Variants in EDIL3 observed in about 807,000 individuals in gnomAD.
EDIL3 encodes the protein EGF like and discoidin domains 3, also known as EGF-like repeat and discoidin I-like domain-containing protein 3.
Under a neutral mutation model 67.4 loss-of-function variants are expected in EDIL3, and 37 were observed. The observed-to-expected ratio is 0.55, with a 90% CI of 0.42 to 0.72. EDIL3 has a LOEUF of 0.72. EDIL3 is among the 30% of genes least tolerant of loss of function. The pLI is 0.00. For synonymous variants in EDIL3, 195 were observed against 196.3 expected (o/e 0.99, Z 0.05); for missense variants, 527 against 586.3 (o/e 0.90, Z 1.04).
At chr5:84,144,250 C>G (rs1380788949) in intron 4 of EDIL3, among the ~76,000 whole-genome samples, 3 of 149,462 alleles carry the variant, frequency 2.0e-5, no homozygotes, top group Non-Finnish European at 4.4e-5. Flanking sequence ...GCCTCCCTTC[C>G]TCCCTCCCAC....
intron 1 of EDIL3, among the ~76,000 whole-genome samples, chr5:84,256,924 A>C (rs2112079602): frequency 6.6e-6 from 1 of 152,340 alleles, no homozygotes; most frequent in South Asian, 2.1e-4. Context: ...AATACTAGGT[A>C]ATGAAACCAG....
At chr5:83,973,472 A>G (rs963483067) in intron 9 of EDIL3, among the ~76,000 whole-genome samples, 2 of 152,038 alleles carry the variant, frequency 1.3e-5, no homozygotes, top group Non-Finnish European at 1.5e-5. Flanking sequence ...GTTATTTAGT[A>G]TTTTTTGATA....
At chr5:84,111,683 T>C (rs1217643415) in intron 5 of EDIL3, among the ~76,000 whole-genome samples, 2 of 151,208 alleles carry the variant, frequency 1.3e-5, no homozygotes, top group African/African-American at 4.9e-5. Context: ...AAAAGAAGGG[T>C]GAATCAAGTG....
chr5:83,944,430 C>T (rs1744277892), intron 10 of EDIL3, among the ~76,000 whole-genome samples: 1 of 122,650 alleles, frequency 8.2e-6, no homozygotes, highest in Non-Finnish European at 1.6e-5. Flanking sequence ...TTTACTATTA[C>T]TATGGCCACT....
intron 5 of EDIL3, 47 bp downstream of exon 5, chr5:84,137,184 TACACACACAC>T (rs70975542): frequency 5.3e-4 from 475 of 901,810 alleles, no homozygotes; most frequent in African/African-American, 3.6e-3. Flanking sequence ...TGTGTATACA[TACACACACAC>T]ACACACACAC....
chr5:84,141,926 C>CACATATATAT (rs766580484), intron 4 of EDIL3, among the ~76,000 whole-genome samples: 1 of 124,928 alleles, frequency 8.0e-6, no homozygotes, highest in African/African-American at 3.4e-5. Flanking sequence ...TATATATACA[C>CACATATATAT]ATATATATAT....
intron 1 of EDIL3, among the ~76,000 whole-genome samples, chr5:84,286,918 G>A (rs189659922): frequency 2.0e-5 from 3 of 152,236 alleles, no homozygotes; most frequent in Non-Finnish European, 4.4e-5. Flanking sequence ...CAGTCTTTGG[G>A]CCAGACACAG....
intron 1 of EDIL3, among the ~76,000 whole-genome samples, chr5:84,270,690 A>G (rs16901024): frequency 0.093 from 14,230 of 152,240 alleles, 736 homozygotes; most frequent in Middle Eastern, 0.16. Flanking sequence ...ATTATCTCTC[A>G]TGAACTTCAC....
chr5:84,358,889 C>T (rs531116309), intron 1 of EDIL3, among the ~76,000 whole-genome samples: 3 of 152,230 alleles, frequency 2.0e-5, no homozygotes, highest in East Asian at 3.9e-4. Context: ...GGATTACAGG[C>T]GTAAGCCACC....
chr5:84,117,113 C>T (rs1203951041), intron 5 of EDIL3, among the ~76,000 whole-genome samples: 36 of 142,992 alleles, frequency 2.5e-4, no homozygotes, highest in African/African-American at 8.8e-4. Flanking sequence ...CTGCAAGCTC[C>T]GCCTCCCGGG....
intron 4 of EDIL3, among the ~76,000 whole-genome samples, chr5:84,155,610 C>A (rs1258058474): frequency 6.6e-6 from 1 of 152,072 alleles, no homozygotes; most frequent in Non-Finnish European, 1.5e-5. Flanking sequence ...AAGCATATAT[C>A]TTCTATTTTT....
At chr5:84,359,401 A>T (rs1200002736) in intron 1 of EDIL3, among the ~76,000 whole-genome samples, 1 of 152,212 alleles carries the variant, frequency 6.6e-6, no homozygotes, top group African/African-American at 2.4e-5. Context: ...TATTTGTAAA[A>T]TATGCAATTT....
chr5:84,207,901 A>T (rs1456059872), intron 3 of EDIL3, among the ~76,000 whole-genome samples: 1 of 152,178 alleles, frequency 6.6e-6, no homozygotes, highest in Non-Finnish European at 1.5e-5. Flanking sequence ...TTAATTCAAG[A>T]TGGATTAAAC....
chr5:84,155,598 T>C (rs1748477280), intron 4 of EDIL3, among the ~76,000 whole-genome samples: 1 of 152,254 alleles, frequency 6.6e-6, no homozygotes, highest in African/African-American at 2.4e-5. Flanking sequence ...TCCATGTTCG[T>C]TAAGCATATA....
At chr5:84,227,038 C>A (rs949254900) in intron 3 of EDIL3, among the ~76,000 whole-genome samples, 17 of 151,980 alleles carry the variant, frequency 1.1e-4, no homozygotes, top group African/African-American at 3.6e-4. Flanking sequence ...TGCTAAAGCA[C>A]CAACACTGCT....
chr5:84,022,150 T>C (rs1305467701), intron 9 of EDIL3, among the ~76,000 whole-genome samples: 5 of 151,822 alleles, frequency 3.3e-5, no homozygotes, highest in African/African-American at 7.3e-5. Context: ...TGAATATAGA[T>C]GCAAAAATCC....
intron 9 of EDIL3, among the ~76,000 whole-genome samples, chr5:84,004,733 G>A (rs1223488641): frequency 2.0e-5 from 3 of 151,948 alleles, no homozygotes; most frequent in Non-Finnish European, 4.4e-5. Context: ...ATCAAAAAGT[G>A]AGAATGTTCT....
At chr5:84,096,459 A>G (rs574249113) in intron 6 of EDIL3, among the ~76,000 whole-genome samples, 2 of 152,252 alleles carry the variant, frequency 1.3e-5, no homozygotes, top group Admixed American at 6.5e-5. Flanking sequence ...ACCCCAATGG[A>G]TTTTGGACTT....
rs55867706 is a variant in EDIL3, at chr5:83,979,129, T to G, written c.1138-15769A>C. ...AGAGAGACATAGGTAACTCAGAGAG[T>G]CTGAAACTCTTTGTAGGATGAGACA... On this transcript the variant is annotated intron_variant, in intron 9 of 10. Coordinates refer to ENST00000296591, the MANE Select transcript of EDIL3 (RefSeq NM_005711.5). Among the ~76,000 whole-genome samples the G allele has an allele frequency of 7.3e-3, 1,103 of 151,840 alleles. 9 individuals are homozygous for G. Among genetic ancestry groups the G allele is most frequent in the Non-Finnish European group, 0.012 (791 of 67,900 alleles).
Sources: allele counts gnomAD v4.1 joint callset (sites outside exome capture counted in the v4.1 genomes callset), GRCh38; gene constraint gnomAD v4.1.1; transcripts MANE v1.5; gene names NCBI Gene and HGNC (gene_info 2026-07-23, HGNC 2026-07-21).